PHTF2: variants seen among roughly 807,000 people sequenced by gnomAD.
PHTF2 encodes protein PHTF2.
A neutral mutation model predicts 101.2 loss-of-function variants in PHTF2; 60 were observed. The observed-to-expected ratio is 0.59, with a 90% CI of 0.48 to 0.73. The LOEUF (loss-of-function observed/expected upper bound fraction) is 0.73. Among genes scored for constraint, PHTF2 ranks in the 30% least tolerant of loss-of-function variants. The probability of loss-of-function intolerance (pLI) is 0.00; values close to 1 mark genes in which losing one functional copy is unlikely to be tolerated. For synonymous variants in PHTF2, 311 were observed against 307.3 expected (o/e 1.01, Z -0.13); for missense variants, 747 against 908.7 (o/e 0.82, Z 2.29).
intron 3 of PHTF2, among the ~76,000 whole-genome samples, chr7:77,889,810 A>G (rs1800215359): frequency 6.6e-6 from 1 of 151,976 alleles, no homozygotes; most frequent in African/African-American, 2.4e-5. Flanking sequence ...TGTGTTGGCC[A>G]GGATGGTCTC....
chr7:77,947,837 C>CTTTCTT (rs750628047), intron 16 of PHTF2, among the ~76,000 whole-genome samples: 11 of 73,806 alleles, frequency 1.5e-4, no homozygotes, highest in Admixed American at 2.0e-4. Flanking sequence ...TTTTTTCTTT[C>CTTTCTT]TTTTTTTTTT....
intron 9 of PHTF2, among the ~76,000 whole-genome samples, chr7:77,917,607 C>T (rs1436558108): frequency 6.6e-6 from 1 of 152,074 alleles, no homozygotes; most frequent in Non-Finnish European, 1.5e-5. Context: ...TTCCCATTAT[C>T]CTCAATATGT....
chr7:77,939,644 A>T (rs528774080), intron 13 of PHTF2, among the ~76,000 whole-genome samples: 1 of 152,076 alleles, frequency 6.6e-6, no homozygotes, highest in East Asian at 1.9e-4. Context: ...ACAAATGTAC[A>T]AACGTATGAA....
At chr7:77,814,435 A>AAGG (rs1793684438) in intron 1 of PHTF2, among the ~76,000 whole-genome samples, 1 of 151,730 alleles carries the variant, frequency 6.6e-6, no homozygotes, top group Non-Finnish European at 1.5e-5. Flanking sequence ...CTAACACAGT[A>AAGG]TTTTCTCTGT....
intron 16 of PHTF2, among the ~76,000 whole-genome samples, chr7:77,944,450 C>G (rs1483029028): frequency 6.6e-6 from 1 of 152,194 alleles, no homozygotes; most frequent in Non-Finnish European, 1.5e-5. Context: ...TAACTCTTCC[C>G]TTACTACAGG....
chr7:77,932,900 T>G (rs1009717443), intron 12 of PHTF2, among the ~76,000 whole-genome samples: 2 of 152,154 alleles, frequency 1.3e-5, no homozygotes, highest in African/African-American at 4.8e-5. Context: ...ATGTAGTTTA[T>G]TTTCATTTTA....
intron 9 of PHTF2, among the ~76,000 whole-genome samples, chr7:77,915,100 T>A (rs182970636): frequency 2.6e-4 from 40 of 150,996 alleles, no homozygotes; most frequent in African/African-American, 9.7e-4. Context: ...TTAGTAGAGG[T>A]GGGGTTTCAC....
chr7:77,827,798 C>G (rs201391522), intron 1 of PHTF2, among the ~76,000 whole-genome samples: 1 of 152,094 alleles, frequency 6.6e-6, no homozygotes, highest in South Asian at 2.1e-4. Context: ...AGCCACCATG[C>G]CTGGCTAATT....
intron 3 of PHTF2, among the ~76,000 whole-genome samples, chr7:77,886,624 A>G (rs1246572736): frequency 2.6e-5 from 4 of 152,290 alleles, no homozygotes; most frequent in Admixed American, 2.6e-4. Context: ...TAACTTTACT[A>G]GTTACTATGG....
intron 2 of PHTF2, among the ~76,000 whole-genome samples, chr7:77,840,973 G>C (rs981032962): frequency 1.4e-5 from 2 of 148,098 alleles, no homozygotes; most frequent in Admixed American, 6.8e-5. Context: ...GATTATATTT[G>C]TGTTCACATT....
intron 3 of PHTF2, among the ~76,000 whole-genome samples, chr7:77,869,981 T>C (rs1301086687): frequency 2.6e-5 from 4 of 152,188 alleles, no homozygotes; most frequent in Admixed American, 2.6e-4. Flanking sequence ...CCTTATATAT[T>C]CTGGTTATTA....
At chr7:77,916,120 T>C (rs1469741891) in intron 9 of PHTF2, among the ~76,000 whole-genome samples, 2 of 152,336 alleles carry the variant, frequency 1.3e-5, no homozygotes, top group East Asian at 3.9e-4. Flanking sequence ...TATATATGTT[T>C]ATTTTAAAAT....
At position 77,920,848 on chromosome 7, in the gene PHTF2, AT is replaced by A. The variant is rs571074467; in HGVS notation, c.963+393del. Among the ~76,000 whole-genome samples the A allele has an allele frequency of 4.9e-3, 738 of 149,416 alleles. 6 individuals are homozygous for A. The highest frequency in any genetic ancestry group is 7.5e-3 in the Non-Finnish European group (503 of 67,078). On this transcript the variant is annotated intron_variant, in intron 10 of 19. Coordinates refer to ENST00000416283, the Ensembl canonical transcript of PHTF2. ...AGGCATGCGCCACCATGCCCGGCTA[AT>A]TTTTTTTTTGTTTTTTGTAGAGACA... is the stretch of plus-strand genomic sequence containing the variant.
At position 77,954,854 on chromosome 7, in the gene PHTF2, C is replaced by G. The variant is rs760655660; in HGVS notation, c.2338-4C>G. On this transcript the variant is annotated splice_region_variant and splice_polypyrimidine_tract_variant and intron_variant, in intron 19 of 19. Coordinates refer to ENST00000416283, the Ensembl canonical transcript of PHTF2. ...TGTCACCACTTCTATTTTTTTTTTT[C>G]TAGCTATGGAAGATTAAGTCATGAC... is the stretch of plus-strand genomic sequence containing the variant. 1 of 1,417,546 alleles carries G rather than the reference C, an allele frequency of 7.1e-7. No homozygotes were observed. Among genetic ancestry groups the G allele is most frequent in the Non-Finnish European group, 9.6e-7 (1 of 1,046,788 alleles). 87.8% of individuals were successfully genotyped at this position (1,417,546 alleles called of 1,614,324 possible).
intron 3 of PHTF2, among the ~76,000 whole-genome samples, chr7:77,855,941 T>A (rs987547211): frequency 6.6e-6 from 1 of 152,212 alleles, no homozygotes; most frequent in Non-Finnish European, 1.5e-5. Context: ...TAAAACAAAG[T>A]ACTTTGTTTA....
intron 3 of PHTF2, among the ~76,000 whole-genome samples, chr7:77,861,024 G>C (rs1797598800): frequency 6.6e-6 from 1 of 152,068 alleles, no homozygotes; most frequent in African/African-American, 2.4e-5. Flanking sequence ...TCTTAAATTG[G>C]ACATTTCTAT....
intron 1 of PHTF2, among the ~76,000 whole-genome samples, chr7:77,817,441 A>G (rs1793935250): frequency 1.3e-5 from 2 of 152,230 alleles, no homozygotes; most frequent in South Asian, 2.1e-4. Flanking sequence ...ACTTAAAATC[A>G]TGATGGAAGG....
chr7:77,895,614 T>C (rs1297184650), intron 5 of PHTF2, among the ~76,000 whole-genome samples: 6 of 152,166 alleles, frequency 3.9e-5, no homozygotes, highest in Non-Finnish European at 5.9e-5. Flanking sequence ...ATTTTTTTAG[T>C]TTTTGGAAGC....
intron 15 of PHTF2, 47 bp downstream of exon 14, chr7:77,940,706 G>T (rs1265909219): frequency 7.4e-7 from 1 of 1,347,864 alleles, no homozygotes; most frequent in African/African-American, 1.5e-5. Context: ...GGCCCTTTCT[G>T]ATAGTTCCAG....
Sources: allele counts gnomAD v4.1 joint callset (sites outside exome capture counted in the v4.1 genomes callset), GRCh38; gene constraint gnomAD v4.1.1; transcripts MANE v1.5; gene names NCBI Gene and HGNC (gene_info 2026-07-23, HGNC 2026-07-21).